LINGO3: variants seen among roughly 807,000 people sequenced by gnomAD.
The protein encoded by LINGO3 is leucine-rich repeat and immunoglobulin-like domain-containing nogo receptor-interacting protein 3.
For missense variants in LINGO3, 750 were observed against 867.7 expected (o/e 0.86, Z 1.70); for synonymous variants, 427 against 444.2 (o/e 0.96, Z 0.49).
At chr19:2,294,340 G>T (rs2025554786), upstream of LINGO3, among the ~76,000 whole-genome samples, 1 of 152,214 alleles carries the variant, frequency 6.6e-6, no homozygotes, top group Admixed American at 6.5e-5. This position sits in a 1 kb window ranked among gnomAD's most constrained non-coding sequence, Gnocchi z 4.3. Flanking sequence ...AGGCAGGAAG[G>T]ACGCGCCCCG....
At chr19:2,302,170 T>G in the LINGO3 span, among the ~76,000 whole-genome samples, 2 of 146,360 alleles carry the variant, frequency 1.4e-5, no homozygotes, top group Non-Finnish European at 3.0e-5. Context: ...AAAGCGATTC[T>G]CCTGCCTCAG....
At chr19:2,289,571 G>A (rs1045566590), downstream of LINGO3, among the ~76,000 whole-genome samples, 6 of 152,012 alleles carry the variant, frequency 3.9e-5, no homozygotes, top group Non-Finnish European at 8.8e-5. Context: ...CCGTCTCCCC[G>A]ATGCGATCTG....
chr19:2,291,955 G>A, exon 1 of LINGO3: 1 of 625,686 alleles, frequency 1.6e-6, no homozygotes, highest in Non-Finnish European at 2.9e-6. Context: ...GGGAGGCTGA[G>A]ATGGAAGAAT....
chr19:2,298,177 C>T, the LINGO3 span, among the ~76,000 whole-genome samples: 2 of 152,158 alleles, frequency 1.3e-5, no homozygotes, highest in African/African-American at 4.8e-5. Context: ...GTGTGAGCCA[C>T]TGGGCCTGGT....
upstream of LINGO3, among the ~76,000 whole-genome samples, chr19:2,293,768 C>G (rs1361672745): frequency 6.6e-6 from 1 of 151,662 alleles, no homozygotes; most frequent in Non-Finnish European, 1.5e-5. Context: ...CGCAAATGTT[C>G]AAGGCCGGGC....
chr19:2,288,368 C>T (rs1404217050), downstream of LINGO3, among the ~76,000 whole-genome samples: 2 of 152,216 alleles, frequency 1.3e-5, no homozygotes, highest in African/African-American at 2.4e-5. This position sits in a 1 kb window ranked among gnomAD's most constrained non-coding sequence, Gnocchi z 6.5. Context: ...CCCCTGTGCT[C>T]TTTGGTCTCG....
At chr19:2,296,453 T>C (rs376195955), upstream of LINGO3, among the ~76,000 whole-genome samples, 30 of 151,382 alleles carry the variant, frequency 2.0e-4, no homozygotes, top group East Asian at 4.3e-3. Flanking sequence ...GCACTCTAGC[T>C]TGGGCAACAG....
At chr19:2,307,098 T>A in the LINGO3 span, among the ~76,000 whole-genome samples, 1 of 151,282 alleles carries the variant, frequency 6.6e-6, no homozygotes, top group East Asian at 1.9e-4. Flanking sequence ...CCCTGAAGGC[T>A]CCCCCCAGCC....
chr19:2,301,638 G>A, the LINGO3 span, among the ~76,000 whole-genome samples: 11,220 of 152,108 alleles, frequency 0.074, 586 homozygotes, highest in Non-Finnish European at 0.11. Context: ...GGTACAAGAC[G>A]CGACCCCGGG....
rs367985943 is a variant in LINGO3 at position 2,290,745 on chromosome 19, T to C, written c.1032A>G (p.Leu344=). The C allele has an allele frequency of 9.0e-4, 1,447 of 1,612,812 alleles. 6 individuals are homozygous for C. Among genetic ancestry groups the C allele is most frequent in the South Asian group, 1.5e-3 (139 of 91,074 alleles). Residue 344 remains leucine (L), a synonymous_variant, in exon 1 of 1, where the codon CTA becomes CTG. Transcript: ENST00000585527. This position sits in a 1 kb window ranked among gnomAD's most constrained non-coding sequence, Gnocchi z 6.0. ...GGTTCCCGTCCACGCGCAGCGTCTCTAGCGTGTTCACCGAGTGGAAGGTGC... is the reference window on the plus strand; with the variant it reads ...GGTTCCCGTCCACGCGCAGCGTCTCCAGCGTGTTCACCGAGTGGAAGGTGC...
chr19:2,306,653 C>T, the LINGO3 span, among the ~76,000 whole-genome samples: 6 of 152,254 alleles, frequency 3.9e-5, no homozygotes, highest in African/African-American at 1.4e-4. Context: ...CATTTAATCC[C>T]ATGTGGGGTG....
rs750667809 is a variant in LINGO3 at position 2,290,210 on chromosome 19, C to G, written c.1567G>C (p.Asp523His). The change falls in exon 1 of 1, where the codon GAC (aspartate) becomes CAC (histidine). Residue 523 changes from aspartate (D) to histidine (H), a missense_variant. Physicochemically the swap from Asp to His is moderately conservative, Grantham distance 81 (BLOSUM62 -1). Coordinates refer to ENST00000585527, the Ensembl canonical transcript of LINGO3. The surrounding 1 kb of genome is among the most constrained non-coding windows in gnomAD (Gnocchi z 6.0). ...GTGGACACCAGGATGGTGGTGAGGT[C>G]GAGCGGCGCGCGCAGGGCCGCCAGC... The G allele has an allele frequency of 6.2e-7, 1 of 1,608,198 alleles. No homozygotes were observed. Among genetic ancestry groups the G allele is most frequent in the Admixed American group, 1.7e-5 (1 of 59,742 alleles).
At chr19:2,305,477 G>A in the LINGO3 span, among the ~76,000 whole-genome samples, 1 of 152,092 alleles carries the variant, frequency 6.6e-6, no homozygotes, top group Non-Finnish European at 1.5e-5. Context: ...GGTGGTGTGG[G>A]CAGCTCCTTC....
the LINGO3 span, among the ~76,000 whole-genome samples, chr19:2,304,436 A>C: frequency 2.6e-3 from 396 of 152,312 alleles, 3 homozygotes; most frequent in African/African-American, 9.1e-3. Flanking sequence ...CCACCCTTAC[A>C]TGGAAAAAGG....
At chr19:2,306,834 C>T in the LINGO3 span, among the ~76,000 whole-genome samples, 1 of 152,106 alleles carries the variant, frequency 6.6e-6, no homozygotes, top group Non-Finnish European at 1.5e-5. Context: ...ACAGGGGAAG[C>T]CCGTGGGTTC....
chr19:2,302,357 C>T, the LINGO3 span, among the ~76,000 whole-genome samples: 1 of 152,186 alleles, frequency 6.6e-6, no homozygotes, highest in African/African-American at 2.4e-5. Context: ...CCACAATGCC[C>T]GGCCCCCTGT....
chr19:2,292,918 C>G (rs1447244464), upstream of LINGO3, among the ~76,000 whole-genome samples: 1 of 152,168 alleles, frequency 6.6e-6, no homozygotes, highest in Non-Finnish European at 1.5e-5. Context: ...ATGGATGGGT[C>G]AGCACCGTGC....
chr19:2,304,928 C>T, the LINGO3 span, among the ~76,000 whole-genome samples: 25 of 151,996 alleles, frequency 1.6e-4, 1 homozygote, highest in East Asian at 4.7e-3. Flanking sequence ...AGGCTGGTCT[C>T]GAACTCCTGA....
chr19:2,307,535 G>C, the LINGO3 span, among the ~76,000 whole-genome samples: 8 of 152,108 alleles, frequency 5.3e-5, no homozygotes, highest in Non-Finnish European at 4.4e-5. Flanking sequence ...CCCAGAGCAG[G>C]GGGACTCAGC....
Sources: allele counts gnomAD v4.1 joint callset (sites outside exome capture counted in the v4.1 genomes callset), GRCh38; gene constraint gnomAD v4.1.1; non-coding constraint Gnocchi (gnomAD v3.1); transcripts MANE v1.5; gene names NCBI Gene and HGNC (gene_info 2026-07-23, HGNC 2026-07-21).